CADM2: variants seen among roughly 807,000 people sequenced by gnomAD.
The protein encoded by CADM2 is cell adhesion molecule 2, also known as immunoglobulin superfamily member 4D.
Under a neutral mutation model 49.8 loss-of-function variants are expected in CADM2, and 12 were observed. The observed-to-expected ratio is 0.24, with a 90% CI of 0.15 to 0.39. The LOEUF (loss-of-function observed/expected upper bound fraction) is 0.39, where lower values mean the gene tolerates loss of function less well. Ranked by LOEUF, CADM2 falls within the 10% of genes least tolerant of loss-of-function variation. The pLI is 1.00. For synonymous variants in CADM2, 214 were observed against 175.4 expected, an observed-to-expected ratio of 1.22 and a Z score of -1.74; for missense variants, 378 against 492.3, an observed-to-expected ratio of 0.77 and a Z score of 2.20.
chr3:85,336,035 C>T (rs1484448852), intron 1 of CADM2, among the ~76,000 whole-genome samples: 1 of 151,428 alleles, frequency 6.6e-6, no homozygotes, highest in Non-Finnish European at 1.5e-5. Context: ...GTCCTGTGAA[C>T]CCCCTGCCCA....
chr3:85,650,627 A>G (rs2065018072), intron 1 of CADM2, among the ~76,000 whole-genome samples: 1 of 151,966 alleles, frequency 6.6e-6, no homozygotes, highest in South Asian at 2.1e-4. Flanking sequence ...TTAGAAAAAC[A>G]AATTATTTCT....
intron 7 of CADM2, among the ~76,000 whole-genome samples, chr3:85,936,716 A>G (rs1020802144): frequency 2.6e-5 from 4 of 151,976 alleles, no homozygotes; most frequent in South Asian, 2.1e-4. Flanking sequence ...AATAACATTT[A>G]TATTATTTAA....
chr3:84,984,356 T>C (rs1406008272), intron 1 of CADM2, among the ~76,000 whole-genome samples: 5 of 67,066 alleles, frequency 7.5e-5, no homozygotes, highest in Non-Finnish European at 1.2e-4. Flanking sequence ...AAGATTAAGC[T>C]AAAAAAAAAA....
chr3:85,376,131 C>G (rs550608404), intron 1 of CADM2, among the ~76,000 whole-genome samples: 1 of 152,184 alleles, frequency 6.6e-6, no homozygotes, highest in South Asian at 2.1e-4. Context: ...ACTCTAGATC[C>G]TCTAAAGTAA....
At chr3:85,882,019 C>T (rs1381336613) in intron 3 of CADM2, among the ~76,000 whole-genome samples, 1 of 152,130 alleles carries the variant, frequency 6.6e-6, no homozygotes, top group East Asian at 1.9e-4. Context: ...TGGCTCACCT[C>T]CTGCTGTGTG....
At chr3:85,719,511 G>A (rs1041983320) in intron 1 of CADM2, among the ~76,000 whole-genome samples, 2 of 152,130 alleles carry the variant, frequency 1.3e-5, no homozygotes, top group Admixed American at 6.5e-5. Context: ...ATCATGTACT[G>A]TATTCTTAAA....
At chr3:85,437,321 G>C (rs1229294806) in intron 1 of CADM2, among the ~76,000 whole-genome samples, 2 of 152,134 alleles carry the variant, frequency 1.3e-5, no homozygotes, top group African/African-American at 4.8e-5. Flanking sequence ...ACAGCTGTGT[G>C]CAAGTTTATC....
intron 1 of CADM2, among the ~76,000 whole-genome samples, chr3:85,465,056 G>A (rs2038428564): frequency 1.3e-5 from 2 of 152,146 alleles, no homozygotes; most frequent in East Asian, 1.9e-4. Context: ...GGCTGAGGCA[G>A]AAGAATTGCT....
chr3:85,829,889 ATTTTC>A lies in CADM2; in HGVS notation c.238+27702_238+27706del, dbSNP rs1347556581. Among the ~76,000 whole-genome samples, 4 of 151,934 alleles carry A rather than the reference ATTTTC, an allele frequency of 2.6e-5. No homozygotes were observed. In the East Asian group the frequency reaches 7.8e-4, roughly 30 times the overall value. Reference sequence around the variant, plus strand: ...TGAACAGTATGTGTATATATACCACATTTTCTTTTCTTTATCCATTTATCCATTGG... The same window carrying A: ...TGAACAGTATGTGTATATATACCACATTTTCTTTATCCATTTATCCATTGG... On this transcript the variant is annotated intron_variant, in intron 3 of 9. Transcript: ENST00000383699.
chr3:85,108,470 A>G (rs1442173872), intron 1 of CADM2, among the ~76,000 whole-genome samples: 3 of 152,146 alleles, frequency 2.0e-5, no homozygotes, highest in African/African-American at 4.8e-5. Flanking sequence ...TTCCACTTCT[A>G]TGAGGTACCT....
At chr3:85,800,888 T>A (rs1294401754) in intron 2 of CADM2, 3 of 152,240 alleles carry the variant, frequency 2.0e-5, no homozygotes, top group Non-Finnish European at 4.4e-5. Flanking sequence ...AATAAGATTC[T>A]TACGCCAATA....
intron 1 of CADM2, among the ~76,000 whole-genome samples, chr3:85,625,942 A>G (rs1252387819): frequency 6.6e-6 from 1 of 152,018 alleles, no homozygotes; most frequent in Non-Finnish European, 1.5e-5. Context: ...GATTGTCGTT[A>G]ATTTTGGAAA....
chr3:85,799,331 G>A (rs1577336238), intron 2 of CADM2, among the ~76,000 whole-genome samples: 1 of 152,140 alleles, frequency 6.6e-6, no homozygotes, highest in Non-Finnish European at 1.5e-5. Flanking sequence ...GTGAGAGAGG[G>A]CATCCTTGTC....
chr3:84,959,471 G>C lies in CADM2; in HGVS notation c.-137G>C. ...GCCGCCGATCCGAGTCCGCGGGTTC[G>C]AACACCGCAGCGGTGGGGACGGTGG... On this transcript the variant is annotated 5_prime_UTR_variant, in exon 1 of 10. Coordinates refer to ENST00000383699, the MANE Select transcript of CADM2 (RefSeq NM_001167675.2). 2 of 800,584 alleles carry C rather than the reference G, an allele frequency of 2.5e-6. No homozygotes were observed. Among genetic ancestry groups the C allele is most frequent in the Non-Finnish European group, 3.9e-6 (2 of 512,254 alleles). The allele number at this position is 800,584 out of a possible 1,614,324, so 49.6% of individuals were successfully genotyped here. A position where few individuals can be genotyped will look rare whatever the true frequency, so the allele number is the denominator to read the frequency against.
chr3:85,156,531 A>G (rs1456960491), intron 1 of CADM2, among the ~76,000 whole-genome samples: 3 of 152,010 alleles, frequency 2.0e-5, no homozygotes, highest in Admixed American at 2.0e-4. Flanking sequence ...TTCACAGCCA[A>G]ATTCTACCAG....
intron 1 of CADM2, among the ~76,000 whole-genome samples, chr3:85,555,288 A>G (rs1410519856): frequency 4.6e-5 from 7 of 152,302 alleles, no homozygotes; most frequent in African/African-American, 1.7e-4. Flanking sequence ...GCAGTTTAAA[A>G]TAATCAATGT....
chr3:85,876,991 T>C (rs1476457448), intron 3 of CADM2, among the ~76,000 whole-genome samples: 1 of 152,288 alleles, frequency 6.6e-6, no homozygotes, highest in East Asian at 1.9e-4. Context: ...AACGGTGTAT[T>C]GGAAAAATCA....
chr3:85,590,609 G>T (rs2063078979), intron 1 of CADM2, among the ~76,000 whole-genome samples: 1 of 151,820 alleles, frequency 6.6e-6, no homozygotes, highest in African/African-American at 2.4e-5. Context: ...GAATGTTTTT[G>T]AACTGTTATA....
intron 1 of CADM2, among the ~76,000 whole-genome samples, chr3:84,972,212 T>G (rs187121269): frequency 6.6e-6 from 1 of 152,342 alleles, no homozygotes; most frequent in African/African-American, 2.4e-5. Context: ...ATTCATTCTT[T>G]GGTGATGTAT....
Sources: allele counts gnomAD v4.1 joint callset (sites outside exome capture counted in the v4.1 genomes callset), GRCh38; gene constraint gnomAD v4.1.1; transcripts MANE v1.5; gene names NCBI Gene and HGNC (gene_info 2026-07-23, HGNC 2026-07-21).